Variants in CAPN3 observed in about 807,000 individuals in gnomAD.
CAPN3 encodes the protein calpain-3.
A neutral mutation model predicts 114.0 loss-of-function variants in CAPN3; 88 were observed. The ratio of observed to expected loss-of-function variants is 0.77; its 90% CI spans 0.65 to 0.92. CAPN3 has a LOEUF of 0.92. CAPN3 is among the 40% of genes least tolerant of loss of function. CAPN3 has a pLI of 0.00. For missense variants in CAPN3, 1,028 were observed against 1,069.0 expected (o/e 0.96, Z 0.53); for synonymous variants, 386 against 382.9 (o/e 1.01, Z -0.09).
At chr15:42,398,681 G>A (rs554372130) in intron 9 of CAPN3, among the ~76,000 whole-genome samples, 11 of 126,976 alleles carry the variant, frequency 8.7e-5, no homozygotes, top group South Asian at 7.8e-4. Context: ...ACACACACAC[G>A]TCTGTATATA....
rs144719322 is a variant in CAPN3 at position 42,401,434 on chromosome 15, C to T, written c.1355-207C>T. On this transcript the variant is annotated intron_variant, in intron 10 of 23. Coordinates refer to ENST00000397163, the MANE Select transcript of CAPN3 (RefSeq NM_000070.3). ...AAGCCCAGAGAGGAAGGAAAAGCCA[C>T]ACATACAATCAGTACAGCTCCATCT... is the stretch of plus-strand genomic sequence containing the variant. Among the ~76,000 whole-genome samples the T allele has an allele frequency of 8.9e-5, 13 of 146,466 alleles. No individual in the cohort carries two copies. The East Asian group carries it at 2.7e-3, about 31-fold the overall frequency.
At chr15:42,399,034 C>G (rs1047606656) in intron 9 of CAPN3, among the ~76,000 whole-genome samples, 1 of 152,114 alleles carries the variant, frequency 6.6e-6, no homozygotes, top group African/African-American at 2.4e-5. Context: ...ATCCACCTGC[C>G]TCAGCCTCCC....
intron 12 of CAPN3, chr15:42,402,529 G>A: frequency 6.9e-7 from 1 of 1,442,172 alleles, no homozygotes; most frequent in Non-Finnish European, 9.1e-7. Flanking sequence ...CCAGCCTGAG[G>A]GGCTTCGGAG....
rs111888412 is a variant in CAPN3 at position 42,382,148 on chromosome 15, T to A, written c.310-2335T>A. Among the ~76,000 whole-genome samples the A allele has an allele frequency of 3.0e-3, 464 of 152,322 alleles. 4 individuals carry two copies. The highest frequency in any genetic ancestry group is 0.011 in the African/African-American group (456 of 41,566). On this transcript the variant is annotated intron_variant, in intron 1 of 23. Coordinates refer to ENST00000397163, the MANE Select transcript of CAPN3 (RefSeq NM_000070.3). Reference sequence around the variant, plus strand: ...AAGGCCTTGCTACTGGAAAGTCTGATAATAATCTAATGTTTTCCCCTTAAA... The same window carrying A: ...AAGGCCTTGCTACTGGAAAGTCTGAAAATAATCTAATGTTTTCCCCTTAAA...
intron 13 of CAPN3, 95 bp from the exon 14 acceptor site, chr15:42,403,646 G>T: frequency 1.7e-6 from 2 of 1,173,346 alleles, no homozygotes; most frequent in East Asian, 2.3e-5. Context: ...GTTCTGGCTT[G>T]GCTGCCAGGA....
intron 1 of CAPN3, among the ~76,000 whole-genome samples, chr15:42,382,832 T>C (rs1256655793): frequency 1.3e-5 from 2 of 152,258 alleles, no homozygotes; most frequent in Non-Finnish European, 2.9e-5. Context: ...TTTCTGTGAA[T>C]GGTTATGCAG....
chr15:42,367,402 C>G (rs972863885), intron 1 of CAPN3, among the ~76,000 whole-genome samples: 1 of 152,200 alleles, frequency 6.6e-6, no homozygotes, highest in Non-Finnish European at 1.5e-5. Flanking sequence ...TCAGCTAACA[C>G]TGGGTGGCAT....
chr15:42,408,889 C>T, intron 16 of CAPN3: 1 of 286,494 alleles, frequency 3.5e-6, no homozygotes, highest in Non-Finnish European at 6.7e-6. Flanking sequence ...TATCTGGGGC[C>T]TCATGCAGTG....
At chr15:42,371,385 G>A (rs8033734) in intron 1 of CAPN3, among the ~76,000 whole-genome samples, 7,994 of 152,250 alleles carry the variant, frequency 0.053, 648 homozygotes, top group African/African-American at 0.17. Flanking sequence ...CTGACAATGA[G>A]AGGGGCTGGG....
At chr15:42,399,071 C>T (rs2053790323) in intron 9 of CAPN3, among the ~76,000 whole-genome samples, 1 of 152,124 alleles carries the variant, frequency 6.6e-6, no homozygotes, top group African/African-American at 2.4e-5. Context: ...AGGCATGAGC[C>T]ACAGCACCCT....
intron 1 of CAPN3, among the ~76,000 whole-genome samples, chr15:42,380,825 A>G (rs1337300126): frequency 7.1e-6 from 1 of 140,012 alleles, no homozygotes; most frequent in African/African-American, 2.7e-5. Flanking sequence ...TCCTGAGCTT[A>G]AGCAGTCTGC....
chr15:42,380,633 G>GTATA (rs374907030), intron 1 of CAPN3, among the ~76,000 whole-genome samples: 15 of 141,852 alleles, frequency 1.1e-4, no homozygotes, highest in African/African-American at 3.7e-4. Context: ...ATATGTGTGT[G>GTATA]TATATATATA....
At chr15:42,369,866 CTTTCT>C (rs1294013376) in intron 1 of CAPN3, among the ~76,000 whole-genome samples, 59 of 137,934 alleles carry the variant, frequency 4.3e-4, no homozygotes, top group Middle Eastern at 3.6e-3. Flanking sequence ...TTCTTTCTTT[CTTTCT>C]TTTTTTTTTT....
At chr15:42,409,229 G>T in intron 16 of CAPN3, 74 bp from the exon 17 acceptor site, 2 of 1,463,620 alleles carry the variant, frequency 1.4e-6, no homozygotes, top group Non-Finnish European at 9.5e-7. Flanking sequence ...GGCTCCCTTG[G>T]CCCAGAGGAG....
chr15:42,390,773 G>GT (rs1190196312), intron 6 of CAPN3, among the ~76,000 whole-genome samples: 53 of 127,466 alleles, frequency 4.2e-4, no homozygotes, highest in Admixed American at 1.1e-3. Context: ...TTTTCAGTTA[G>GT]TTTTTTTTGT....
In CAPN3 at chr15:42,387,791, T is replaced by A; in HGVS notation, c.537T>A (p.Asp179Glu). ...RYGEWVDVVI[D>E]DCLPTYNNQL... ...GAGAGTGGGTGGACGTGGTTATAGA[T>A]GACTGCCTGCCAACGTACAACAATC... The change falls in exon 4 of 24, where the codon GAT (aspartate) becomes GAA (glutamate). Residue 179 changes from aspartate (D) to glutamate (E), a missense_variant. By Grantham distance (45) the Asp-to-Glu change is conservative. Transcript: ENST00000397163. 6.2e-7 allele frequency: 1 copy of A among 1,614,212 alleles called. No individual in the cohort carries two copies. The highest frequency in any genetic ancestry group is 8.5e-7 in the Non-Finnish European group (1 of 1,180,028).
chr15:42,410,614 C>A lies in CAPN3; in HGVS notation c.2211C>A (p.Asp737Glu), dbSNP rs1307040035. 1.9e-6 allele frequency: 3 copies of A among 1,613,928 alleles called. No individual in the cohort carries two copies. The highest frequency in any genetic ancestry group is 2.5e-6 in the Non-Finnish European group (3 of 1,179,952). Residue 737 changes from aspartate to glutamate, a missense_variant, in exon 21 of 24, where the codon GAC (aspartate) becomes GAA (glutamate). Asp to Glu is a conservative substitution (Grantham distance 45). Coordinates refer to ENST00000397163, the MANE Select transcript of CAPN3 (RefSeq NM_000070.3). ...WQKIFKHYDT[D>E]QSGTINSYEM... ...AAATTTTCAAACACTATGACACAGA[C>A]CAGTCCGGCACCATCAACAGCTACG... is the stretch of plus-strand genomic sequence containing the variant.
intron 14 of CAPN3, 135 bp downstream of exon 14, chr15:42,403,912 T>C: frequency 1.2e-6 from 1 of 839,464 alleles, no homozygotes; most frequent in Non-Finnish European, 2.0e-6. Context: ...CAGTCCCTCC[T>C]TGGCACTGCA....
intron 1 of CAPN3, among the ~76,000 whole-genome samples, chr15:42,366,841 T>TA: frequency 7.6e-6 from 1 of 132,328 alleles, no homozygotes; most frequent in East Asian, 2.0e-4. Context: ...TTTTTTTTTC[T>TA]TTTTTTTTTT....
Sources: gnomAD v4.1 joint callset for allele counts (sites outside exome capture counted in the v4.1 genomes callset) on GRCh38, gnomAD v4.1.1 for gene constraint, MANE v1.5 for transcripts, NCBI Gene and HGNC (gene_info 2026-07-23, HGNC 2026-07-21) for gene names.